The following KDM4C variants were observed in gnomAD, a reference collection of about 807,000 sequenced individuals.
KDM4C encodes the protein lysine-specific demethylase 4C.
In KDM4C, 81 loss-of-function variants were observed where a neutral mutation model predicts 129.3. That is an observed-to-expected ratio of 0.63 (90% CI 0.52 to 0.75). The LOEUF is 0.75. Ranked by LOEUF, KDM4C falls within the 30% of genes least tolerant of loss-of-function variation. The pLI is 0.00. For synonymous variants in KDM4C, 573 were observed against 456.1 expected (o/e 1.26, Z -3.26); for missense variants, 1,457 against 1,304.0 (o/e 1.12, Z -1.81).
intron 8 of KDM4C, among the ~76,000 whole-genome samples, chr9:6,900,680 C>T (rs558288737): frequency 1.3e-5 from 2 of 152,350 alleles, no homozygotes; most frequent in African/African-American, 4.8e-5. Context: ...GATTCGTCTT[C>T]TCTGTCGATA....
At chr9:7,051,773 T>G (rs1830182946) in intron 17 of KDM4C, among the ~76,000 whole-genome samples, 1 of 152,222 alleles carries the variant, frequency 6.6e-6, no homozygotes, top group African/African-American at 2.4e-5. Context: ...TAAGAATTAT[T>G]TAGATGTCAT....
intron 15 of KDM4C, among the ~76,000 whole-genome samples, chr9:7,016,807 A>G (rs576364875): frequency 1.3e-5 from 2 of 152,252 alleles, no homozygotes; most frequent in African/African-American, 4.8e-5. Flanking sequence ...TTACATTTTC[A>G]AGGCTTCAGA....
chr9:7,077,740 C>A (rs1378298493), intron 17 of KDM4C, among the ~76,000 whole-genome samples: 3 of 152,190 alleles, frequency 2.0e-5, no homozygotes, highest in Non-Finnish European at 2.9e-5. Flanking sequence ...CAATGTAAGT[C>A]AGCCCATCAA....
At chr9:6,774,760 C>T (rs977542410) in intron 1 of KDM4C, among the ~76,000 whole-genome samples, 7 of 152,116 alleles carry the variant, frequency 4.6e-5, no homozygotes, top group Admixed American at 2.6e-4. Context: ...TTATATGATA[C>T]TTGGGGCATG....
At chr9:6,828,268 C>T (rs1387085199) in intron 4 of KDM4C, among the ~76,000 whole-genome samples, 1 of 152,088 alleles carries the variant, frequency 6.6e-6, no homozygotes, top group Non-Finnish European at 1.5e-5. Flanking sequence ...CTGTCTCAGC[C>T]TCCCGAATAG....
At chr9:7,120,842 C>T (rs902001449) in intron 18 of KDM4C, among the ~76,000 whole-genome samples, 1 of 152,084 alleles carries the variant, frequency 6.6e-6, no homozygotes, top group Admixed American at 6.6e-5. Context: ...ACTTGGTCAG[C>T]TGTTTTTCAT....
chr9:7,029,609 TAAAC>T (rs1344276340), intron 15 of KDM4C, among the ~76,000 whole-genome samples: 7 of 152,118 alleles, frequency 4.6e-5, no homozygotes, highest in East Asian at 1.9e-4. Context: ...AATAAATTAA[TAAAC>T]AAAAAGGAAT....
intron 1 of KDM4C, among the ~76,000 whole-genome samples, chr9:6,749,643 G>C (rs562744244): frequency 6.6e-6 from 1 of 151,910 alleles, no homozygotes; most frequent in Non-Finnish European, 1.5e-5. Context: ...ATTTCAGCCT[G>C]GACAACAGAG....
chr9:6,923,576 T>A (rs1821935721), intron 8 of KDM4C, among the ~76,000 whole-genome samples: 1 of 152,212 alleles, frequency 6.6e-6, no homozygotes, highest in African/African-American at 2.4e-5. Flanking sequence ...GTATTCTTAT[T>A]TGCCGAGGGA....
chr9:7,125,437 G>A (rs1221416561), intron 18 of KDM4C, among the ~76,000 whole-genome samples: 1 of 152,198 alleles, frequency 6.6e-6, no homozygotes, highest in African/African-American at 2.4e-5. Flanking sequence ...TATAGCCTTA[G>A]TGGTTTTGTG....
chr9:6,930,963 A>T (rs188940503), intron 8 of KDM4C, among the ~76,000 whole-genome samples: 88 of 152,258 alleles, frequency 5.8e-4, no homozygotes, highest in Middle Eastern at 3.4e-3. Context: ...GATGTATGGG[A>T]TCCTCTGAGT....
At chr9:6,949,806 C>T (rs182843870) in intron 8 of KDM4C, among the ~76,000 whole-genome samples, 86 of 152,284 alleles carry the variant, frequency 5.6e-4, no homozygotes, top group Admixed American at 4.9e-3. Flanking sequence ...AGTCCAGCTT[C>T]GGCTCGGCAT....
intron 5 of KDM4C, among the ~76,000 whole-genome samples, chr9:6,856,536 G>C (rs1224770453): frequency 5.5e-5 from 7 of 127,900 alleles, no homozygotes; most frequent in African/African-American, 2.4e-4. Flanking sequence ...CTCTCTCTGT[G>C]TGCGTGTGTG....
upstream of KDM4C, among the ~76,000 whole-genome samples, chr9:6,756,695 C>A (rs1278626709): frequency 1.3e-5 from 2 of 152,144 alleles, no homozygotes; most frequent in African/African-American, 4.8e-5. Context: ...CCAAACTGGG[C>A]GACACAGCAA....
chr9:6,787,880 AAG>A (rs759623577), intron 1 of KDM4C, among the ~76,000 whole-genome samples: 15 of 152,216 alleles, frequency 9.9e-5, no homozygotes, highest in Admixed American at 2.0e-4. Flanking sequence ...CTGGATAACT[AAG>A]AGGGGGAGGA....
In KDM4C at chr9:6,955,198, C is replaced by T. The variant is rs144489619; in HGVS notation, c.922-25727C>T. ...CTATATTTTAGCAGAAATTCTTCTA[C>T]TGTGGGGTGGTAGGAGTGGACAGAG... On this transcript the variant is annotated intron_variant, in intron 8 of 21. Transcript: ENST00000381309. 2.0e-3 allele frequency among the ~76,000 whole-genome samples: 307 copies of T among 152,262 alleles called. 4 individuals are homozygous for T. Among genetic ancestry groups the T allele is most frequent in the Admixed American group, 0.016 (241 of 15,286 alleles).
At chr9:6,834,605 G>T in intron 4 of KDM4C, 1 of 751,894 alleles carries the variant, frequency 1.3e-6, no homozygotes, top group Non-Finnish European at 2.5e-6. Flanking sequence ...GGGTCGGAAG[G>T]ACTCCCATGT....
At chr9:7,043,569 A>T (rs989233336) in intron 15 of KDM4C, among the ~76,000 whole-genome samples, 15 of 152,044 alleles carry the variant, frequency 9.9e-5, no homozygotes, top group Admixed American at 2.0e-4. Context: ...ACTACAAATG[A>T]ATGAATGGAC....
intron 1 of KDM4C, among the ~76,000 whole-genome samples, chr9:6,737,664 C>CAAAAAA (rs34608889): frequency 2.1e-5 from 1 of 47,478 alleles, no homozygotes; most frequent in African/African-American, 8.6e-5. Flanking sequence ...GACTTCATCT[C>CAAAAAA]AAAAAAAAAA....
Sources: gnomAD v4.1 joint callset for allele counts (sites outside exome capture counted in the v4.1 genomes callset) on GRCh38, gnomAD v4.1.1 for gene constraint, MANE v1.5 for transcripts, NCBI Gene and HGNC (gene_info 2026-07-23, HGNC 2026-07-21) for gene names.